The following TNS1 variants were observed in gnomAD, a reference collection of about 807,000 sequenced individuals.
TNS1 encodes the protein tensin-1.
TNS1 carries 62 observed loss-of-function variants against 168.6 expected under a neutral mutation model. The ratio of observed to expected loss-of-function variants is 0.37; its 90% confidence interval spans 0.30 to 0.45. The LOEUF (loss-of-function observed/expected upper bound fraction) is 0.45. Among genes scored for constraint, TNS1 ranks in the 20% least tolerant of loss-of-function variants. TNS1 has a pLI of 1.00. For missense variants in TNS1, 2,240 were observed against 2,339.4 expected, an observed-to-expected ratio of 0.96 and a Z score of 0.88; for synonymous variants, 934 against 933.2, an observed-to-expected ratio of 1.00 and a Z score of -0.02.
At chr2:217,937,478 C>G (rs980545351) in intron 3 of TNS1, among the ~76,000 whole-genome samples, 1 of 152,160 alleles carries the variant, frequency 6.6e-6, no homozygotes, top group Non-Finnish European at 1.5e-5. Context: ...TGCCAGCCCC[C>G]CTTCCTGGCT....
chr2:218,019,943 C>A (rs1443974390), intron 1 of TNS1, among the ~76,000 whole-genome samples: 4 of 152,132 alleles, frequency 2.6e-5, no homozygotes, highest in Non-Finnish European at 4.4e-5. Context: ...CCCCCACTCC[C>A]CGGCTGCAGC....
At chr2:217,810,623 G>A (rs913629230) in intron 28 of TNS1, among the ~76,000 whole-genome samples, 1 of 152,126 alleles carries the variant, frequency 6.6e-6, no homozygotes, top group Admixed American at 6.5e-5. Flanking sequence ...GTTTTTGAGC[G>A]ACTCCATGTA....
intron 4 of TNS1, among the ~76,000 whole-genome samples, chr2:217,912,574 G>A (rs1465240186): frequency 6.6e-6 from 1 of 152,198 alleles, no homozygotes; most frequent in African/African-American, 2.4e-5. Flanking sequence ...GCGAGGGCTG[G>A]AATGGCCTCA....
intron 2 of TNS1, among the ~76,000 whole-genome samples, chr2:217,984,110 G>A (rs2126065378): frequency 6.6e-6 from 1 of 152,286 alleles, no homozygotes; most frequent in East Asian, 1.9e-4. Flanking sequence ...ACAGGCAGGG[G>A]TACCCCACCT....
At chr2:217,939,933 T>C (rs1956825993) in intron 3 of TNS1, among the ~76,000 whole-genome samples, 1 of 152,162 alleles carries the variant, frequency 6.6e-6, no homozygotes, top group Admixed American at 6.5e-5. Flanking sequence ...ACTGGGGCTC[T>C]CTAGCGTCCA....
rs545831386 is a variant in TNS1 at position 217,831,534 on chromosome 2, C to A, written c.3294G>T (p.Pro1098=). ...SPPPSGVRSP[P]GLAKTPLSAL... The stretch of plus-strand genomic sequence containing the variant: ...CAGACAGGGGTGTCTTGGCCAGACC[C>A]GGGGGGGACCGCACTGTGCCAGGAA... Residue 1098 remains proline, a synonymous_variant, in exon 22 of 33, where the codon CCG becomes CCT. Coordinates refer to ENST00000682258, the MANE Select transcript of TNS1 (RefSeq NM_001387777.1). 1.3e-6 allele frequency: 2 copies of A among 1,534,052 alleles called. No homozygotes were observed. Among genetic ancestry groups the A allele is most frequent in the South Asian group, 2.6e-5 (2 of 77,710 alleles).
At chr2:217,900,417 C>G in intron 7 of TNS1, 46 bp downstream of exon 7, 3 of 1,529,262 alleles carry the variant, frequency 2.0e-6, no homozygotes, top group Non-Finnish European at 2.6e-6. Flanking sequence ...CCACAGTGAC[C>G]CCCCTGCTTG....
chr2:218,003,971 G>T (rs1219265220), upstream of TNS1, among the ~76,000 whole-genome samples: 1 of 152,066 alleles, frequency 6.6e-6, no homozygotes, highest in South Asian at 2.1e-4. Context: ...GTATTCCCAC[G>T]GAGCACTAAG....
chr2:217,990,202 T>G lies in TNS1; in HGVS notation c.148+740A>C, dbSNP rs375296524. On this transcript the variant is annotated intron_variant, in intron 2 of 32. Coordinates refer to ENST00000682258, the MANE Select transcript of TNS1 (RefSeq NM_001387777.1). ...CTCAGCACACATCATCCACACACCA[T>G]CCACACACCCTCAGCACGCATCATC... Among the ~76,000 whole-genome samples, 33 of 116,850 alleles carry G rather than the reference T, an allele frequency of 2.8e-4. No individual in the cohort carries two copies. The South Asian group carries it at 4.5e-3, about 16-fold the overall frequency. The allele number at this position is 116,850 out of a possible 152,430, so 76.7% of individuals were successfully genotyped here.
At chr2:217,942,784 G>T (rs1381291741) in intron 3 of TNS1, among the ~76,000 whole-genome samples, 1 of 151,082 alleles carries the variant, frequency 6.6e-6, no homozygotes, top group Non-Finnish European at 1.5e-5. Flanking sequence ...CTGCCTGCCT[G>T]CCCTCCTCCT....
At chr2:217,822,921 C>T (rs1943095154) in intron 22 of TNS1, among the ~76,000 whole-genome samples, 1 of 152,206 alleles carries the variant, frequency 6.6e-6, no homozygotes, top group Non-Finnish European at 1.5e-5. Context: ...TCATTCCTAC[C>T]ACCTCCAAAT....
intron 3 of TNS1, among the ~76,000 whole-genome samples, chr2:217,931,496 T>G (rs1956318654): frequency 6.6e-6 from 1 of 151,968 alleles, no homozygotes; most frequent in South Asian, 2.1e-4. Flanking sequence ...AGGCCCAAAA[T>G]AGAGAATTCT....
At chr2:217,964,966 C>T (rs1162381584) in intron 3 of TNS1, among the ~76,000 whole-genome samples, 1 of 152,210 alleles carries the variant, frequency 6.6e-6, no homozygotes, top group African/African-American at 2.4e-5. Context: ...AGCCAGAACC[C>T]CCAGAGAGAG....
chr2:217,863,125 C>T (rs547500784), intron 18 of TNS1, among the ~76,000 whole-genome samples: 4 of 152,334 alleles, frequency 2.6e-5, no homozygotes, highest in Non-Finnish European at 5.9e-5. Flanking sequence ...TGGCCTGGCT[C>T]TTTGTTCTTC....
At chr2:217,874,178 G>A (rs1370098888) in intron 18 of TNS1, among the ~76,000 whole-genome samples, 2 of 152,174 alleles carry the variant, frequency 1.3e-5, no homozygotes, top group Non-Finnish European at 2.9e-5. Flanking sequence ...GATGGAACTT[G>A]CCCCAGTGTC....
chr2:217,960,198 C>G (rs1957463305), intron 3 of TNS1, among the ~76,000 whole-genome samples: 1 of 152,150 alleles, frequency 6.6e-6, no homozygotes, highest in African/African-American at 2.4e-5. Flanking sequence ...GGACATCCAC[C>G]CCACAACATG....
chr2:217,847,128 C>T (rs1263241475), intron 19 of TNS1, among the ~76,000 whole-genome samples: 1 of 152,210 alleles, frequency 6.6e-6, no homozygotes, highest in Non-Finnish European at 1.5e-5. Flanking sequence ...ACCCCAAAGT[C>T]ACCACCTCCT....
At chr2:217,915,195 G>A (rs1255224083) in intron 4 of TNS1, among the ~76,000 whole-genome samples, 1 of 152,204 alleles carries the variant, frequency 6.6e-6, no homozygotes, top group East Asian at 1.9e-4. Flanking sequence ...ACCCTTGATG[G>A]AGCGAGCCCG....
upstream of TNS1, among the ~76,000 whole-genome samples, chr2:218,012,089 C>T (rs1958712090): frequency 6.6e-6 from 1 of 152,142 alleles, no homozygotes; most frequent in African/African-American, 2.4e-5. Flanking sequence ...GCAGAGGGGG[C>T]CTTCCTCCTC....
Sources: allele counts gnomAD v4.1 joint callset (sites outside exome capture counted in the v4.1 genomes callset), GRCh38; gene constraint gnomAD v4.1.1; transcripts MANE v1.5; gene names NCBI Gene and HGNC (gene_info 2026-07-23, HGNC 2026-07-21).